CNIH3: variants seen among roughly 807,000 people sequenced by gnomAD.
CNIH3 encodes cornichon family AMPA receptor auxiliary protein 3, also known as protein cornichon homolog 3.
A neutral mutation model predicts 24.1 loss-of-function variants in CNIH3; 14 were observed. That is an observed-to-expected ratio of 0.58 (90% CI 0.38 to 0.91). The LOEUF (loss-of-function observed/expected upper bound fraction) is 0.91. CNIH3 is among the 40% of genes least tolerant of loss of function. The pLI, the probability that CNIH3 is intolerant of heterozygous loss-of-function variation, is 0.00. For missense variants in CNIH3, 178 were observed against 196.8 expected, an observed-to-expected ratio of 0.90 and a Z score of 0.57; for synonymous variants, 68 against 73.8, an observed-to-expected ratio of 0.92 and a Z score of 0.40.
intron 3 of CNIH3, among the ~76,000 whole-genome samples, chr1:224,707,451 A>G (rs1477492158): frequency 5.4e-5 from 3 of 55,662 alleles, no homozygotes; most frequent in African/African-American, 2.0e-4. Context: ...ACCCCGCCCC[A>G]CCCTCAATTG....
intron 3 of CNIH3, among the ~76,000 whole-genome samples, chr1:224,687,384 C>CGG (rs1558294156): frequency 6.6e-6 from 1 of 151,938 alleles, no homozygotes; most frequent in Non-Finnish European, 1.5e-5. Flanking sequence ...AGGCATGCAC[C>CGG]ACCATGCCTG....
At chr1:224,718,601 T>C (rs1304067082) in intron 3 of CNIH3, among the ~76,000 whole-genome samples, 1 of 151,284 alleles carries the variant, frequency 6.6e-6, no homozygotes, top group African/African-American at 2.4e-5. Context: ...TAGCTTAGGG[T>C]GGAGTGAAAG....
intron 1 of CNIH3, among the ~76,000 whole-genome samples, chr1:224,680,603 T>C (rs546856161): frequency 6.6e-6 from 1 of 152,326 alleles, no homozygotes; most frequent in Non-Finnish European, 1.5e-5. Flanking sequence ...AATAAATAGC[T>C]CTTCCTGGAA....
At chr1:224,440,751 A>G (rs1674866698) in intron 1 of CNIH3, among the ~76,000 whole-genome samples, 1 of 152,092 alleles carries the variant, frequency 6.6e-6, no homozygotes, top group African/African-American at 2.4e-5. Flanking sequence ...GTGAGGGGAG[A>G]AGTTCTTATT....
At chr1:224,720,400 A>G (rs1168621094) in intron 3 of CNIH3, among the ~76,000 whole-genome samples, 2 of 152,110 alleles carry the variant, frequency 1.3e-5, no homozygotes. Flanking sequence ...CTTGTTACAT[A>G]AGAGACCTGG....
At chr1:224,457,133 C>T (rs1675698341) in intron 1 of CNIH3, among the ~76,000 whole-genome samples, 1 of 152,144 alleles carries the variant, frequency 6.6e-6, no homozygotes, top group South Asian at 2.1e-4. Context: ...GCAGGTCAGG[C>T]CTGGTAGAGG....
intron 1 of CNIH3, among the ~76,000 whole-genome samples, chr1:224,625,086 C>G (rs1418476985): frequency 6.6e-6 from 1 of 152,194 alleles, no homozygotes; most frequent in Non-Finnish European, 1.5e-5. Context: ...GTTGCCCTCA[C>G]TTGTGGCCTC....
intron 1 of CNIH3, among the ~76,000 whole-genome samples, chr1:224,670,334 T>C (rs1217230369): frequency 6.6e-6 from 1 of 152,168 alleles, no homozygotes; most frequent in Non-Finnish European, 1.5e-5. Context: ...GTGGAGGGCA[T>C]GGTGGCAGAA....
intron 4 of CNIH3, among the ~76,000 whole-genome samples, chr1:224,576,161 C>G (rs1317784794): frequency 1.3e-5 from 2 of 152,174 alleles, no homozygotes; most frequent in East Asian, 1.9e-4. Context: ...CATGAATCTA[C>G]TATTTTTCTA....
chr1:224,442,415 C>T (rs1423150458), intron 1 of CNIH3, among the ~76,000 whole-genome samples: 1 of 152,178 alleles, frequency 6.6e-6, no homozygotes, highest in Non-Finnish European at 1.5e-5. Flanking sequence ...TTCAGAATGT[C>T]TTTTTCTCTG....
intron 1 of CNIH3, among the ~76,000 whole-genome samples, chr1:224,450,557 C>T (rs975263899): frequency 6.6e-6 from 1 of 152,114 alleles, no homozygotes; most frequent in Non-Finnish European, 1.5e-5. Context: ...AGAATAAACA[C>T]CCTGGTTAGC....
chr1:224,577,697 C>A (rs746297384), intron 4 of CNIH3, among the ~76,000 whole-genome samples: 2 of 152,062 alleles, frequency 1.3e-5, no homozygotes, highest in Non-Finnish European at 2.9e-5. Flanking sequence ...ATTGTTTGAT[C>A]CAGCAATCCC....
chr1:224,637,147 G>A (rs1263733577), intron 1 of CNIH3, among the ~76,000 whole-genome samples: 1 of 152,084 alleles, frequency 6.6e-6, no homozygotes, highest in East Asian at 1.9e-4. Flanking sequence ...TAGAGACGGG[G>A]TTTCACTATG....
intron 1 of CNIH3, among the ~76,000 whole-genome samples, chr1:224,477,038 A>G (rs1190941157): frequency 6.6e-6 from 1 of 152,196 alleles, no homozygotes; most frequent in Admixed American, 6.5e-5. Flanking sequence ...TGCCCCTGCA[A>G]CAGCACCAAG....
chr1:224,452,086 A>C (rs1037292007), intron 1 of CNIH3, among the ~76,000 whole-genome samples: 1 of 150,756 alleles, frequency 6.6e-6, no homozygotes. Flanking sequence ...AAATTCCTCC[A>C]TGTTGCACTA....
At chr1:224,590,434 T>G (rs1356089131), downstream of CNIH3, among the ~76,000 whole-genome samples, 2 of 152,208 alleles carry the variant, frequency 1.3e-5, no homozygotes, top group African/African-American at 4.8e-5. Context: ...TTAGTTTGTT[T>G]GTGCTGCTAT....
intron 2 of CNIH3, among the ~76,000 whole-genome samples, chr1:224,529,801 G>C (rs1678993092): frequency 1.3e-5 from 2 of 152,220 alleles, no homozygotes; most frequent in Non-Finnish European, 2.9e-5. Context: ...GGCCTAACCT[G>C]CTAAAAGTCA....
intron 3 of CNIH3, among the ~76,000 whole-genome samples, chr1:224,707,870 CTTG>C (rs973403651): frequency 3.3e-5 from 5 of 152,152 alleles, no homozygotes; most frequent in Non-Finnish European, 7.3e-5. Flanking sequence ...TCATTGTTAT[CTTG>C]TTGTTATTGA....
At chr1:224,503,319 G>A (rs1363964546) in intron 1 of CNIH3, among the ~76,000 whole-genome samples, 1 of 152,120 alleles carries the variant, frequency 6.6e-6, no homozygotes, top group Non-Finnish European at 1.5e-5. Flanking sequence ...TTCCCTTGTC[G>A]GTCTTTTGGC....
Sources: allele counts gnomAD v4.1 joint callset (sites outside exome capture counted in the v4.1 genomes callset), GRCh38; gene constraint gnomAD v4.1.1; transcripts MANE v1.5; gene names NCBI Gene and HGNC (gene_info 2026-07-23, HGNC 2026-07-21).